The following ZNF142 variants were observed in gnomAD, a reference collection of about 807,000 sequenced individuals.
ZNF142 encodes the protein zinc finger protein 142 (clone pHZ-49).
In ZNF142, 96 loss-of-function variants were observed where a neutral mutation model predicts 132.1. That is an observed-to-expected ratio of 0.73 (90% CI 0.62 to 0.86). The LOEUF is 0.86. Ranked by LOEUF, ZNF142 falls within the 40% of genes least tolerant of loss-of-function variation. The probability of loss-of-function intolerance (pLI) is 0.00; values close to 1 mark genes in which losing one functional copy is unlikely to be tolerated. For missense variants in ZNF142, 2,163 were observed against 2,336.2 expected (o/e 0.93, Z 1.53); for synonymous variants, 842 against 890.1 (o/e 0.95, Z 0.96).
At chr2:218,641,841 C>A (rs1697221119) in intron 9 of ZNF142, among the ~76,000 whole-genome samples, 187 bp downstream of exon 9, 1 of 152,200 alleles carries the variant, frequency 6.6e-6, no homozygotes, top group Admixed American at 6.5e-5. Context: ...GGAACTTTAT[C>A]TTTACAACAA....
rs1360522540 is a variant in ZNF142, at chr2:218,642,164, A to G, written c.4952T>C (p.Leu1651Pro). ...GTAAGCACAATCGGTGCACTTGTAGAGACGAGTGCCCCCATGCCCTTTCAC... is the reference window on the plus strand; with the variant it reads ...GTAAGCACAATCGGTGCACTTGTAGGGACGAGTGCCCCCATGCCCTTTCAC... ...HHVKGHGGTRLYKCTDCAYST... is the reference protein window; with the variant it reads ...HHVKGHGGTRPYKCTDCAYST... The change falls in exon 9 of 11, where the codon CTC becomes CCC. Residue 1651 changes from leucine (L) to proline (P), a missense_variant. Physicochemically the swap from Leu to Pro is moderately conservative, Grantham distance 98 (BLOSUM62 -3). Around this residue, in one of 7 missense-constraint regions of ZNF142, gnomAD observed 325 missense variants for 367.8 expected, o/e 0.88. Transcript: ENST00000411696. The surrounding 1 kb of genome is among the most constrained non-coding windows in gnomAD (Gnocchi z 4.6). 6.2e-7 allele frequency: 1 copy of G among 1,614,154 alleles called. No individual in the cohort carries two copies. The highest frequency in any genetic ancestry group is 8.5e-7 in the Non-Finnish European group (1 of 1,180,028).
chr2:218,653,184 G>C (rs149146451), intron 4 of ZNF142, among the ~76,000 whole-genome samples: 2,240 of 151,986 alleles, frequency 0.015, 21 homozygotes, highest in Non-Finnish European at 0.024. Context: ...GGAGGCTGAG[G>C]CAGGAGAATC....
rs1212848982 is a variant in ZNF142, at chr2:218,649,358, G to A, written c.1150C>T (p.Leu384Phe). The stretch of plus-strand genomic sequence containing the variant: ...TGGAGGCTGGGGTCTGGGAAGTGGA[G>A]ATGCAGGTGCTCCACCAGATGAGTC... ...KRTHLVEHLH[L>F]HFPDPSLQCP... Residue 384 changes from leucine (L) to phenylalanine (F), a missense_variant, in exon 7 of 11, where the codon CTC (leucine) becomes TTC (phenylalanine). Leu to Phe is a conservative substitution (Grantham distance 22). Coordinates refer to ENST00000411696, the MANE Select transcript of ZNF142 (RefSeq NM_001379659.1). 6.2e-7 allele frequency: 1 copy of A among 1,614,206 alleles called. No homozygotes were observed. Among genetic ancestry groups the A allele is most frequent in the Non-Finnish European group, 8.5e-7 (1 of 1,180,026 alleles).
chr2:218,646,478 G>A (rs1697741174), intron 7 of ZNF142, 130 bp from the exon 8 acceptor site: 2 of 1,028,524 alleles, frequency 1.9e-6, no homozygotes, highest in Non-Finnish European at 2.8e-6. Flanking sequence ...ACCTGAGATG[G>A]TGAAAACCTC....
intron 9 of ZNF142, among the ~76,000 whole-genome samples, 181 bp from the exon 10 acceptor site, chr2:218,640,950 A>T (rs1280473486): frequency 1.2e-4 from 17 of 138,304 alleles, no homozygotes; most frequent in Admixed American, 1.4e-4. Flanking sequence ...TTTTTTTTTT[A>T]AAGAGACAGG....
In ZNF142 at chr2:218,636,358, T is replaced by C; in HGVS notation, c.*1981A>G. 3 of 1,614,002 alleles carry C rather than the reference T, an allele frequency of 1.9e-6. No individual in the cohort carries two copies. Among genetic ancestry groups the C allele is most frequent in the Non-Finnish European group, 2.5e-6 (3 of 1,179,886 alleles). On this transcript the variant is annotated 3_prime_UTR_variant, in exon 11 of 11. Transcript: ENST00000411696. ...GGAAATCCCGAAATGACTTTATTGG[T>C]CAGTACACCCTGCCTTGGACCTGCA...
In ZNF142 at chr2:218,642,195, G is replaced by A; in HGVS notation, c.4921C>T (p.His1641Tyr). Residue 1641 changes from histidine to tyrosine, a missense_variant, in exon 9 of 11, where the codon CAC becomes TAC. His to Tyr is a moderately conservative substitution (Grantham distance 83). Transcript: ENST00000411696. This position sits in a 1 kb window ranked among gnomAD's most constrained non-coding sequence, Gnocchi z 4.6. The part of the protein sequence containing the change: ...FTCRHQLVLD[H>Y]HVKGHGGTRL... ...GTGCCCCCATGCCCTTTCACATGGT[G>A]ATCTAGTACCAGCTGATGGCGGCAT... The A allele has an allele frequency of 6.2e-7, 1 of 1,614,238 alleles. No homozygotes were observed. Among genetic ancestry groups the A allele is most frequent in the Non-Finnish European group, 8.5e-7 (1 of 1,180,042 alleles).
chr2:218,648,647 G>A lies in ZNF142; in HGVS notation c.1861C>T (p.Leu621Phe). 1.2e-6 allele frequency: 2 copies of A among 1,613,122 alleles called. No individual in the cohort carries two copies. Among genetic ancestry groups the A allele is most frequent in the South Asian group, 1.1e-5 (1 of 91,066 alleles). The change falls in exon 7 of 11, where the codon CTT becomes TTT. Residue 621 changes from leucine (L) to phenylalanine (F), a missense_variant. Around this residue, in one of 7 missense-constraint regions of ZNF142, gnomAD observed 749 missense variants for 830.3 expected, o/e 0.90. Transcript: ENST00000411696. ...GAAACCATCCTACCCGTATGTAGAA[G>A]CATGTGTCGGATGAGCACCCTCTTG... ...AHKRVLIRHM[L>F]LHTGEKPHKC...
At chr2:218,640,610 G>A in intron 10 of ZNF142, 54 bp downstream of exon 10, 1 of 1,549,582 alleles carries the variant, frequency 6.5e-7, no homozygotes, top group Non-Finnish European at 8.9e-7. Flanking sequence ...GTAAGGTTAG[G>A]TTTGCCAGGG....
intron 8 of ZNF142, among the ~76,000 whole-genome samples, chr2:218,645,713 A>T (rs1050144830): frequency 6.6e-6 from 1 of 152,166 alleles, no homozygotes; most frequent in African/African-American, 2.4e-5. Flanking sequence ...TAGGCAATGG[A>T]GTTGAGACAG....
chr2:218,644,144 G>A lies in ZNF142; in HGVS notation c.2972C>T (p.Thr991Ile), dbSNP rs770766878. The A allele has an allele frequency of 8.1e-6, 13 of 1,613,994 alleles. No homozygotes were observed. The African/African-American group carries it at 1.5e-4, about 18-fold the overall frequency. The change falls in exon 9 of 11, where the codon ACA becomes ATA. Residue 991 changes from threonine (T) to isoleucine (I), a missense_variant. Thr to Ile is a moderately conservative substitution (Grantham distance 89). This residue lies in a region of ZNF142 where 809 missense variants were observed against 801.7 expected (regional missense o/e 1.01). Transcript: ENST00000411696. The surrounding 1 kb of genome is among the most constrained non-coding windows in gnomAD (Gnocchi z 4.6). ...CTCAGGTAATGGGGGCAAGGGTGCT[G>A]TCTCAGCAGGTGGAGTTGTCTTGAA... ...GTFKTTPPAETAPLPPLPESE... is the reference protein window; with the variant it reads ...GTFKTTPPAEIAPLPPLPESE...
At chr2:218,651,034 T>C (rs555479143) in intron 5 of ZNF142, among the ~76,000 whole-genome samples, 8 of 151,094 alleles carry the variant, frequency 5.3e-5, no homozygotes, top group African/African-American at 2.0e-4. Flanking sequence ...TCATCCAGAC[T>C]GAAGTGCAGT....
chr2:218,654,784 A>T (rs376521872), intron 4 of ZNF142, among the ~76,000 whole-genome samples: 1 of 34,620 alleles, frequency 2.9e-5, no homozygotes, highest in Non-Finnish European at 8.7e-5. Flanking sequence ...TTTCCCATTT[A>T]AAAAAAAAAA....
chr2:218,635,623 G>A lies in ZNF142; in HGVS notation c.*2716C>T, dbSNP rs112408888. Among the ~76,000 whole-genome samples, 414 of 152,274 alleles carry A rather than the reference G, an allele frequency of 2.7e-3. No homozygotes were observed. The highest frequency in any genetic ancestry group is 4.4e-3 in the Non-Finnish European group (301 of 68,020). On this transcript the variant is annotated 3_prime_UTR_variant, in exon 11 of 11. Coordinates refer to ENST00000411696, the MANE Select transcript of ZNF142 (RefSeq NM_001379659.1). ...GTTGGGATTACAGGTGTGAGCCACC[G>A]TGCCCGGCCTTTGGGTGCATTTTAA...
At chr2:218,654,224 G>A (rs1938273154) in intron 4 of ZNF142, among the ~76,000 whole-genome samples, 1 of 152,078 alleles carries the variant, frequency 6.6e-6, no homozygotes, top group South Asian at 2.1e-4. Context: ...GTCAGAGTAT[G>A]CAAATTGTAA....
At position 218,652,218 on chromosome 2, in the gene ZNF142, G is replaced by C; in HGVS notation, c.363C>G (p.His121Gln). Residue 121 changes from histidine to glutamine, a missense_variant, in exon 5 of 11, where the codon CAC becomes CAG. Physicochemically the swap from His to Gln is conservative, Grantham distance 24. Coordinates refer to ENST00000411696, the MANE Select transcript of ZNF142 (RefSeq NM_001379659.1). ...SFAEPTLLAL[H>Q]QCSETHIQPV... ...GCTGTATATGGGTCTCACTGCACTG[G>C]TGCAGGGCCAGCAGAGTGGGCTCTG... The C allele has an allele frequency of 2.2e-6, 1 of 456,810 alleles. No homozygotes were observed. The highest frequency in any genetic ancestry group is 4.4e-6 in the Non-Finnish European group (1 of 227,008). 28.3% of individuals were successfully genotyped at this position (456,810 alleles called of 1,614,324 possible).
rs1696931007 is a variant in ZNF142 at position 218,638,778 on chromosome 2, T to A, written c.5225A>T (p.Glu1742Val). 1.2e-5 allele frequency: 19 copies of A among 1,605,698 alleles called. No homozygotes were observed. The highest frequency in any genetic ancestry group is 1.6e-5 in the Non-Finnish European group (19 of 1,179,366). ...GLKPYQCPEC[E>V]YCTNRADALR... ...TGCATCAGCCCGGTTGGTGCAGTACTCACACTCGGGACACTGGTATGGCTT... is the reference window on the plus strand; with the variant it reads ...TGCATCAGCCCGGTTGGTGCAGTACACACACTCGGGACACTGGTATGGCTT... The change falls in exon 11 of 11, where the codon GAG (glutamate) becomes GTG (valine). Residue 1742 changes from glutamate (E) to valine (V), a missense_variant. Physicochemically the swap from Glu to Val is moderately radical, Grantham distance 121 (BLOSUM62 -2). Transcript: ENST00000411696.
rs751421949 is a variant in ZNF142, at chr2:218,642,356, A to G, written c.4760T>C (p.Phe1587Ser). ...HFSHRCQLCD[F>S]AARERVGLVK... is the part of the protein sequence containing the mutation. Reference sequence around the variant, plus strand: ...CAGGCCCACCCGCTCCCGGGCAGCAAAGTCACAGAGCTGACAGCGGTGGCT... The same window carrying G: ...CAGGCCCACCCGCTCCCGGGCAGCAGAGTCACAGAGCTGACAGCGGTGGCT... The change falls in exon 9 of 11, where the codon TTT becomes TCT. Residue 1587 changes from phenylalanine (F) to serine (S), a missense_variant. This residue lies in a region of ZNF142 where 809 missense variants were observed against 801.7 expected (regional missense o/e 1.01). Coordinates refer to ENST00000411696, the MANE Select transcript of ZNF142 (RefSeq NM_001379659.1). This position sits in a 1 kb window ranked among gnomAD's most constrained non-coding sequence, Gnocchi z 4.6. 1 of 1,613,428 alleles carries G rather than the reference A, an allele frequency of 6.2e-7. No homozygotes were observed. Among genetic ancestry groups the G allele is most frequent in the South Asian group, 1.1e-5 (1 of 91,086 alleles).
intron 4 of ZNF142, among the ~76,000 whole-genome samples, chr2:218,654,647 G>A (rs13396307): frequency 0.036 from 5,432 of 152,104 alleles, 322 homozygotes; most frequent in African/African-American, 0.12. Flanking sequence ...TTATAGGCAT[G>A]AGCCACCATG....
Sources: gnomAD v4.1 joint callset for allele counts (sites outside exome capture counted in the v4.1 genomes callset) on GRCh38, gnomAD v4.1.1 for gene constraint, gnomAD v4.1.1 regional missense constraint, Gnocchi (gnomAD v3.1) non-coding constraint, MANE v1.5 for transcripts, NCBI Gene and HGNC (gene_info 2026-07-23, HGNC 2026-07-21) for gene names.